Variants in AGBL4 observed in about 807,000 individuals in gnomAD.
AGBL4 encodes the protein AGBL carboxypeptidase 4.
In AGBL4, 58 loss-of-function variants were observed where a neutral mutation model predicts 66.4. The ratio of observed to expected loss-of-function variants is 0.87; its 90% CI spans 0.71 to 1.09. The LOEUF is 1.09. Ranked by LOEUF, AGBL4 falls within the 50% of genes least tolerant of loss-of-function variation. The pLI is 0.00. For missense variants in AGBL4, 579 were observed against 631.0 expected (o/e 0.92, Z 0.88); for synonymous variants, 234 against 222.9 (o/e 1.05, Z -0.44).
chr1:49,942,441 T>G (rs1654847208), intron 1 of AGBL4, among the ~76,000 whole-genome samples: 1 of 151,966 alleles, frequency 6.6e-6, no homozygotes, highest in Non-Finnish European at 1.5e-5. Context: ...AAACATATGA[T>G]AAACCTGTAG....
intron 5 of AGBL4, among the ~76,000 whole-genome samples, chr1:48,982,224 T>C (rs557542672): frequency 2.4e-4 from 36 of 152,142 alleles, no homozygotes; most frequent in Non-Finnish European, 4.4e-4. Flanking sequence ...TATTTAAGTT[T>C]TAGGGTACGT....
At position 49,136,356 on chromosome 1, in the gene AGBL4, G is replaced by A. The variant is rs140016085; in HGVS notation, c.378-90556C>T. ...TAGTCCCATTTTACTGACAAGGAATGTGTTCAAGAGATTAAGGAATTTGCC... is the reference window on the plus strand; with the variant it reads ...TAGTCCCATTTTACTGACAAGGAATATGTTCAAGAGATTAAGGAATTTGCC... On this transcript the variant is annotated intron_variant, in intron 4 of 13. Coordinates refer to ENST00000371839, the MANE Select transcript of AGBL4 (RefSeq NM_032785.4). 5.9e-5 allele frequency among the ~76,000 whole-genome samples: 9 copies of A among 152,302 alleles called. No homozygotes were observed. The South Asian group carries it at 1.4e-3, about 25-fold the overall frequency.
chr1:49,374,227 C>CT (rs1644424911), intron 3 of AGBL4: 1 of 151,688 alleles, frequency 6.6e-6, no homozygotes, highest in Non-Finnish European at 1.5e-5. Flanking sequence ...TTTATTCATG[C>CT]TTTTTTCTTT....
chr1:49,886,405 G>A (rs867872697), intron 1 of AGBL4, among the ~76,000 whole-genome samples: 2 of 152,206 alleles, frequency 1.3e-5, no homozygotes, highest in Middle Eastern at 3.4e-3. Flanking sequence ...AGTCTGGAGA[G>A]AGAAAAAGTA....
At chr1:49,112,056 C>T (rs993460898) in intron 4 of AGBL4, among the ~76,000 whole-genome samples, 1 of 152,196 alleles carries the variant, frequency 6.6e-6, no homozygotes, top group African/African-American at 2.4e-5. Context: ...ATCCTAGCAA[C>T]TGCCTAGCTT....
chr1:48,686,156 G>A (rs1163379571), intron 6 of AGBL4, among the ~76,000 whole-genome samples: 1 of 152,154 alleles, frequency 6.6e-6, no homozygotes, highest in Non-Finnish European at 1.5e-5. Flanking sequence ...ACACAGCCAG[G>A]ATCTACTGGT....
chr1:49,618,258 TG>T (rs1645287916), intron 3 of AGBL4, among the ~76,000 whole-genome samples: 2 of 152,200 alleles, frequency 1.3e-5, no homozygotes, highest in Non-Finnish European at 1.5e-5. Context: ...CTATCATTAA[TG>T]GGCATTTGAG....
At chr1:48,765,667 A>C (rs1324208326) in intron 6 of AGBL4, among the ~76,000 whole-genome samples, 1 of 152,214 alleles carries the variant, frequency 6.6e-6, no homozygotes, top group African/African-American at 2.4e-5. Context: ...AAAAAACCCA[A>C]CTGTCCATCA....
At chr1:49,447,603 G>C (rs1311568678) in intron 3 of AGBL4, among the ~76,000 whole-genome samples, 2 of 152,172 alleles carry the variant, frequency 1.3e-5, no homozygotes, top group African/African-American at 2.4e-5. Flanking sequence ...CTGGTGCAAT[G>C]CTCTTGAGGA....
rs1332198336 is a variant in AGBL4, at chr1:48,732,503, TGCAGAGAC to T, written c.635-69270_635-69263del. Among the ~76,000 whole-genome samples, 659 of 152,270 alleles carry T rather than the reference TGCAGAGAC, an allele frequency of 4.3e-3. 5 individuals carry two copies. Among genetic ancestry groups the T allele is most frequent in the African/African-American group, 0.015 (631 of 41,540 alleles). On this transcript the variant is annotated intron_variant, in intron 6 of 13. Coordinates refer to ENST00000371839, the MANE Select transcript of AGBL4 (RefSeq NM_032785.4). ...TAAAAAAAGTAAATAGGAAATGCTA[TGCAGAGAC>T]TTGGAGTAGGGTGATGTGACAGACA...
chr1:48,836,030 A>G, intron 6 of AGBL4, among the ~76,000 whole-genome samples: 1 of 152,116 alleles, frequency 6.6e-6, no homozygotes, highest in Non-Finnish European at 1.5e-5. Flanking sequence ...CTGTTTGACG[A>G]GTGGTTCCAG....
At chr1:49,429,544 G>A (rs2148654729) in intron 3 of AGBL4, among the ~76,000 whole-genome samples, 1 of 152,184 alleles carries the variant, frequency 6.6e-6, no homozygotes, top group South Asian at 2.1e-4. Flanking sequence ...AAGTTTGAGG[G>A]AAAATTGACT....
chr1:49,166,131 A>G lies in AGBL4; in HGVS notation c.377+79639T>C, dbSNP rs142359912. Among the ~76,000 whole-genome samples, 241 of 152,266 alleles carry G rather than the reference A, an allele frequency of 1.6e-3. 4 individuals carry two copies. Among genetic ancestry groups the G allele is most frequent in the African/African-American group, 5.6e-3 (234 of 41,578 alleles). ...TATATTTCACATCCCTGCCTGGGAA[A>G]TTTAATAAACTGTGGTGCCTTCAGG... On this transcript the variant is annotated intron_variant, in intron 4 of 13. Transcript: ENST00000371839.
chr1:49,852,966 G>A (rs915572546), intron 1 of AGBL4, among the ~76,000 whole-genome samples: 2 of 151,752 alleles, frequency 1.3e-5, no homozygotes, highest in Admixed American at 6.6e-5. Flanking sequence ...AAGCTAGGTT[G>A]ACACAAGCCC....
At chr1:48,952,919 C>T (rs1657122813) in intron 5 of AGBL4, among the ~76,000 whole-genome samples, 1 of 151,986 alleles carries the variant, frequency 6.6e-6, no homozygotes, top group Non-Finnish European at 1.5e-5. Flanking sequence ...ATGTGTGGCC[C>T]AAAACAATTC....
At chr1:49,899,130 T>C (rs966708266) in intron 1 of AGBL4, among the ~76,000 whole-genome samples, 1 of 152,114 alleles carries the variant, frequency 6.6e-6, no homozygotes, top group Non-Finnish European at 1.5e-5. Flanking sequence ...AAGAGTGTAA[T>C]TGGATTGTTT....
At chr1:49,740,739 A>C (rs186913072) in intron 2 of AGBL4, among the ~76,000 whole-genome samples, 1 of 152,350 alleles carries the variant, frequency 6.6e-6, no homozygotes, top group East Asian at 1.9e-4. Flanking sequence ...ACTCAGGATT[A>C]AGAAACTCAC....
rs538139203 is a variant in AGBL4 at position 48,781,754 on chromosome 1, C to A, written c.634+85437G>T. Among the ~76,000 whole-genome samples the A allele has an allele frequency of 3.3e-5, 5 of 152,288 alleles. No homozygotes were observed. In the South Asian group the frequency reaches 1.0e-3, roughly 32 times the overall value. On this transcript the variant is annotated intron_variant, in intron 6 of 13. Coordinates refer to ENST00000371839, the MANE Select transcript of AGBL4 (RefSeq NM_032785.4). ...GTAGAATCTTTAACCTTATAGCAGCCATACTAGGTTCACCAAGACTCTCAC... is the reference window on the plus strand; with the variant it reads ...GTAGAATCTTTAACCTTATAGCAGCAATACTAGGTTCACCAAGACTCTCAC...
chr1:49,984,340 A>G (rs972761540), intron 1 of AGBL4, among the ~76,000 whole-genome samples: 3 of 152,210 alleles, frequency 2.0e-5, no homozygotes, highest in African/African-American at 7.2e-5. Flanking sequence ...GTTTACAGAG[A>G]CTGCATCTTT....
Sources: gnomAD v4.1 joint callset for allele counts (sites outside exome capture counted in the v4.1 genomes callset) on GRCh38, gnomAD v4.1.1 for gene constraint, MANE v1.5 for transcripts, NCBI Gene and HGNC (gene_info 2026-07-23, HGNC 2026-07-21) for gene names.